TANC1: variants seen among roughly 807,000 people sequenced by gnomAD.
TANC1 encodes protein TANC1.
TANC1 carries 77 observed loss-of-function variants against 149.7 expected under a neutral mutation model. The ratio of observed to expected loss-of-function variants is 0.51; its 90% CI spans 0.43 to 0.62. TANC1 has a LOEUF of 0.62. Among genes scored for constraint, TANC1 ranks in the 20% least tolerant of loss-of-function variants. The probability of loss-of-function intolerance (pLI) is 0.00; values close to 1 mark genes in which losing one functional copy is unlikely to be tolerated. For synonymous variants in TANC1, 854 were observed against 925.0 expected, an observed-to-expected ratio of 0.92 and a Z score of 1.39; for missense variants, 1,985 against 2,321.8, an observed-to-expected ratio of 0.85 and a Z score of 2.98.
At chr2:159,031,745 TG>T (rs2039796503) in intron 2 of TANC1, among the ~76,000 whole-genome samples, 1 of 152,184 alleles carries the variant, frequency 6.6e-6, no homozygotes, top group African/African-American at 2.4e-5. Flanking sequence ...TCTGAGTAGA[TG>T]AATGATTAAA....
intron 19 of TANC1, among the ~76,000 whole-genome samples, chr2:159,200,908 C>T (rs968573691): frequency 6.6e-6 from 1 of 152,198 alleles, no homozygotes; most frequent in Non-Finnish European, 1.5e-5. Flanking sequence ...CTTCCAAAGC[C>T]TCATGAGTAA....
At chr2:159,138,353 G>A (rs1482456497) in intron 5 of TANC1, among the ~76,000 whole-genome samples, 1 of 152,234 alleles carries the variant, frequency 6.6e-6, no homozygotes, top group Non-Finnish European at 1.5e-5. Context: ...TGCCGCAGCA[G>A]GGTGAGCTTT....
Position 159,230,220 on chromosome 2 carries a change from G to A in TANC1, c.4794G>A (p.Gly1598=), listed in dbSNP as rs1206490999. 6.2e-6 allele frequency: 10 copies of A among 1,613,844 alleles called. No individual in the cohort carries two copies. Among genetic ancestry groups the A allele is most frequent in the Admixed American group, 1.7e-5 (1 of 60,012 alleles). ...CAAGAGCTGGTTGTGGCCACTTTGG[G>A]GATCGGCTGGGCCCCAGCCAGAATG... ...FTTRAGCGHF[G]DRLGPSQNVR... The change falls in exon 27 of 27, where the codon GGG becomes GGA. Residue 1598 remains glycine (G), a synonymous_variant. Coordinates refer to ENST00000263635, the MANE Select transcript of TANC1 (RefSeq NM_033394.3). This position sits in a 1 kb window ranked among gnomAD's most constrained non-coding sequence, Gnocchi z 4.4.
chr2:159,138,664 T>C (rs965803045), intron 5 of TANC1, among the ~76,000 whole-genome samples: 2 of 152,210 alleles, frequency 1.3e-5, no homozygotes, highest in Non-Finnish European at 2.9e-5. Flanking sequence ...TGTGGTCTTC[T>C]GTTATCTATA....
chr2:159,229,530 G>A (rs761654535), intron 26 of TANC1, 48 bp from the exon 27 acceptor site: 46 of 1,403,904 alleles, frequency 3.3e-5, no homozygotes, highest in Non-Finnish European at 4.4e-5. Context: ...TACACTCTGA[G>A]CATGTTCGTG....
At position 159,217,637 on chromosome 2, in the gene TANC1, AG is replaced by A. The variant is rs2059430337; in HGVS notation, c.3378+12del. ...ACGCCAGGGGCATTGGCAGGTACCC[AG>A]GGGGCCCCTGAATGCTTCAGAAGCA... On this transcript the variant is annotated splice_region_variant and intron_variant, in intron 20 of 26. Transcript: ENST00000263635. The A allele has an allele frequency of 6.2e-7, 1 of 1,613,822 alleles. No homozygotes were observed. Among genetic ancestry groups the A allele is most frequent in the South Asian group, 1.1e-5 (1 of 91,062 alleles).
intron 4 of TANC1, among the ~76,000 whole-genome samples, chr2:159,117,371 T>C (rs984513845): frequency 1.6e-4 from 24 of 152,142 alleles, no homozygotes; most frequent in African/African-American, 5.3e-4. Context: ...AATGAACTGA[T>C]ATTGATACCT....
At chr2:159,053,224 G>C (rs888827059) in intron 2 of TANC1, among the ~76,000 whole-genome samples, 3 of 151,272 alleles carry the variant, frequency 2.0e-5, no homozygotes, top group African/African-American at 7.3e-5. Flanking sequence ...TCCCCTTTTG[G>C]GGCTGTTGGA....
At chr2:159,119,575 C>T (rs1416706040) in intron 4 of TANC1, among the ~76,000 whole-genome samples, 2 of 152,158 alleles carry the variant, frequency 1.3e-5, no homozygotes, top group Non-Finnish European at 2.9e-5. Flanking sequence ...AATAAAAATT[C>T]GACATCAACC....
intron 18 of TANC1, among the ~76,000 whole-genome samples, 169 bp from the exon 19 acceptor site, chr2:159,198,806 G>A (rs1474049647): frequency 6.6e-6 from 1 of 152,158 alleles, no homozygotes; most frequent in Non-Finnish European, 1.5e-5. Context: ...AACTGAAAGT[G>A]TGAATAGCAT....
chr2:159,137,042 A>G (rs2050839287), intron 5 of TANC1, among the ~76,000 whole-genome samples: 1 of 152,172 alleles, frequency 6.6e-6, no homozygotes, highest in South Asian at 2.1e-4. Flanking sequence ...CTGCAGAAAC[A>G]TGGGACTAGG....
chr2:159,075,365 C>T (rs1014356800), intron 3 of TANC1, among the ~76,000 whole-genome samples: 7 of 148,790 alleles, frequency 4.7e-5, no homozygotes, highest in Non-Finnish European at 1.0e-4. Flanking sequence ...CCTAGGCGTT[C>T]AAGACCAGCC....
chr2:159,095,912 C>A (rs2046077124), intron 3 of TANC1, among the ~76,000 whole-genome samples: 2 of 152,018 alleles, frequency 1.3e-5, no homozygotes, highest in Admixed American at 1.3e-4. Context: ...GAGCCTTGTA[C>A]ACAAAAATCT....
intron 5 of TANC1, among the ~76,000 whole-genome samples, chr2:159,143,062 C>CAAAAAAAAAAAAAAAAAAAAAAA (rs70994269): frequency 1.1e-5 from 1 of 87,368 alleles, no homozygotes; most frequent in African/African-American, 5.6e-5. Flanking sequence ...GACTCTGTCT[C>CAAAAAAAAAAAAAAAAAAAAAAA]AAAAAAAAAA....
intron 4 of TANC1, among the ~76,000 whole-genome samples, chr2:159,122,534 TA>T (rs1203534856): frequency 6.6e-6 from 1 of 152,208 alleles, no homozygotes; most frequent in Admixed American, 6.5e-5. Flanking sequence ...GTTGTGTAAC[TA>T]CCACAAAGAT....
At chr2:159,115,686 A>G (rs993434839) in intron 4 of TANC1, among the ~76,000 whole-genome samples, 4 of 152,118 alleles carry the variant, frequency 2.6e-5, no homozygotes, top group African/African-American at 9.7e-5. Flanking sequence ...CATTTTTTGC[A>G]TGCCATTGGG....
In TANC1 at chr2:158,968,741, G is replaced by A. The variant is rs537924433; in HGVS notation, c.-167G>A. ...GCCTCGCCCCGAGGCCCGGCCCTGG[G>A]TGTGGGGAACCGCGCTGAGGAGCTG... On this transcript the variant is annotated 5_prime_UTR_variant, in exon 1 of 27. In the 5' UTR this introduces an upstream ATG that the reference lacks. Transcript: ENST00000263635. The A allele has an allele frequency of 7.1e-4, 108 of 152,344 alleles. No individual in the cohort carries two copies. The highest frequency in any genetic ancestry group is 2.4e-3 in the African/African-American group (100 of 41,584). The allele number at this position is 152,344 out of a possible 1,614,324, so 9.4% of individuals were successfully genotyped here. A position where few individuals can be genotyped will look rare whatever the true frequency, so the allele number is the denominator to read the frequency against.
chr2:159,117,905 C>CTACTGGAGTTTTTCTG (rs71406152), intron 4 of TANC1, among the ~76,000 whole-genome samples: 201 of 150,812 alleles, frequency 1.3e-3, no homozygotes, highest in African/African-American at 4.7e-3. Context: ...GGTTGCCCCT[C>CTACTGGAGTTTTTCTG]TACTGGAGTT....
At chr2:159,101,566 AC>A (rs1306309476) in intron 4 of TANC1, among the ~76,000 whole-genome samples, 1 of 151,800 alleles carries the variant, frequency 6.6e-6, no homozygotes, top group African/African-American at 2.4e-5. Flanking sequence ...TTGTTTCAAA[AC>A]TTTTGTTTTT....
Sources: allele counts gnomAD v4.1 joint callset (sites outside exome capture counted in the v4.1 genomes callset), GRCh38; gene constraint gnomAD v4.1.1; non-coding constraint Gnocchi (gnomAD v3.1); transcripts MANE v1.5; gene names NCBI Gene and HGNC (gene_info 2026-07-23, HGNC 2026-07-21).